Variants in NAALADL2 observed in about 807,000 individuals in gnomAD.
The protein encoded by NAALADL2 is inactive N-acetylated-alpha-linked acidic dipeptidase-like protein 2.
In NAALADL2, 76 loss-of-function variants were observed where a neutral mutation model predicts 87.2. The ratio of observed to expected loss-of-function variants is 0.87; its 90% CI spans 0.72 to 1.05. The LOEUF is 1.05. Ranked by LOEUF, NAALADL2 falls within the 50% of genes least tolerant of loss-of-function variation. The probability of loss-of-function intolerance (pLI) is 0.00; values close to 1 mark genes in which losing one functional copy is unlikely to be tolerated. For synonymous variants in NAALADL2, 354 were observed against 331.0 expected, an observed-to-expected ratio of 1.07 and a Z score of -0.75; for missense variants, 1,089 against 945.8, an observed-to-expected ratio of 1.15 and a Z score of -1.99.
chr3:174,672,880 G>T lies in NAALADL2; in HGVS notation c.-114-64761G>T, dbSNP rs532093474. Reference sequence around the variant, plus strand: ...AAGCAAAGAAAGTCAGCAAGGTCATGGAAATCCTAGGCCATTATAAAGATT... The same window carrying T: ...AAGCAAAGAAAGTCAGCAAGGTCATTGAAATCCTAGGCCATTATAAAGATT... On this transcript the variant is annotated intron_variant, in intron 2 of 3. Coordinates refer to the NAALADL2 transcript ENST00000434257. 5.5e-5 allele frequency among the ~76,000 whole-genome samples: 8 copies of T among 146,204 alleles called. No individual in the cohort carries two copies. The South Asian group carries it at 1.8e-3, about 32-fold the overall frequency.
intron 4 of NAALADL2, among the ~76,000 whole-genome samples, chr3:175,323,238 A>T (rs1224483199): frequency 1.1e-4 from 17 of 148,512 alleles, no homozygotes; most frequent in Non-Finnish European, 2.5e-4. Context: ...TATCGCAAGA[A>T]CAAAAAACCA....
At chr3:175,380,813 A>G (rs1244850602) in intron 5 of NAALADL2, among the ~76,000 whole-genome samples, 2 of 152,122 alleles carry the variant, frequency 1.3e-5, no homozygotes, top group Non-Finnish European at 2.9e-5. Context: ...TTTCCATTTT[A>G]CAGAGTATAC....
intron 3 of NAALADL2, among the ~76,000 whole-genome samples, chr3:175,236,564 AAAAG>A (rs1428545448): frequency 2.9e-5 from 4 of 137,738 alleles, no homozygotes; most frequent in Admixed American, 2.9e-4. Flanking sequence ...AAAAAAAAAA[AAAAG>A]AAGAAAAAGC....
chr3:175,173,305 A>T (rs1735148897), intron 2 of NAALADL2, among the ~76,000 whole-genome samples: 2 of 95,626 alleles, frequency 2.1e-5, no homozygotes, highest in African/African-American at 6.6e-5. Flanking sequence ...ATAAATAAAT[A>T]AATAAAATAA....
intron 5 of NAALADL2, among the ~76,000 whole-genome samples, chr3:175,390,224 C>G (rs1223548501): frequency 6.6e-6 from 1 of 152,010 alleles, no homozygotes; most frequent in African/African-American, 2.4e-5. Context: ...CGCAAGGGGA[C>G]AACTCTAAAA....
chr3:175,155,582 T>C (rs1452217640), intron 2 of NAALADL2, among the ~76,000 whole-genome samples: 1 of 152,186 alleles, frequency 6.6e-6, no homozygotes, highest in Non-Finnish European at 1.5e-5. Flanking sequence ...TTTTTTTTCT[T>C]ATTAATGATC....
intron 2 of NAALADL2, among the ~76,000 whole-genome samples, chr3:175,189,296 G>T (rs1361940108): frequency 2.6e-5 from 4 of 152,160 alleles, no homozygotes; most frequent in Admixed American, 6.5e-5. Context: ...AAAATTATCT[G>T]TATTTACACA....
intron 1 of NAALADL2, among the ~76,000 whole-genome samples, chr3:175,039,940 G>T (rs1753865655): frequency 6.6e-6 from 1 of 151,970 alleles, no homozygotes; most frequent in African/African-American, 2.4e-5. Flanking sequence ...CTAACACTCT[G>T]TACTGATTAT....
At chr3:174,834,948 T>C (rs1560271413) in intron 3 of NAALADL2, among the ~76,000 whole-genome samples, 1 of 151,996 alleles carries the variant, frequency 6.6e-6, no homozygotes, top group African/African-American at 2.4e-5. Flanking sequence ...CTAAAATTTG[T>C]ATGTAAATGT....
intron 3 of NAALADL2, among the ~76,000 whole-genome samples, chr3:174,787,599 A>ACG (rs1553855294): frequency 1.5e-5 from 1 of 67,882 alleles, no homozygotes; most frequent in South Asian, 5.1e-4. Flanking sequence ...ATATATATAT[A>ACG]TATATATATA....
chr3:174,867,575 A>G lies in NAALADL2; in HGVS notation c.43+8125A>G, dbSNP rs551620936. ...GTGCGTAGATCCATAGCTAACATAT[A>G]CTATGTTTTCTCAAGTTTAATATGC... is the stretch of plus-strand genomic sequence containing the variant. On this transcript the variant is annotated intron_variant, in intron 1 of 13. Transcript: ENST00000454872. Among the ~76,000 whole-genome samples, 34 of 152,214 alleles carry G rather than the reference A, an allele frequency of 2.2e-4. 1 individual carries two copies. The South Asian group carries it at 6.2e-3, about 28-fold the overall frequency.
chr3:175,443,048 T>C (rs1310710060), intron 5 of NAALADL2, among the ~76,000 whole-genome samples: 2 of 152,222 alleles, frequency 1.3e-5, no homozygotes, highest in Non-Finnish European at 2.9e-5. Flanking sequence ...ATAAAACTCT[T>C]CTCTCAGCTC....
chr3:175,412,249 G>T (rs1713672734), intron 5 of NAALADL2, among the ~76,000 whole-genome samples: 1 of 152,176 alleles, frequency 6.6e-6, no homozygotes, highest in Non-Finnish European at 1.5e-5. Context: ...ACAAAAGATA[G>T]ATTATGTATG....
chr3:175,755,331 C>T lies in NAALADL2; in HGVS notation c.2102C>T (p.Ala701Val). The change falls in exon 13 of 14, where the codon GCA (alanine) becomes GTA (valine). Residue 701 changes from alanine to valine, a missense_variant. Coordinates refer to ENST00000454872, the MANE Select transcript of NAALADL2 (RefSeq NM_207015.3). ...CCTGCTAATGATCCCAAGGAGAGAG[C>T]ACCCATCCGCATCCGGATGCTGAAT... Reference protein sequence around the residue: ...MRPANDPKERAPIRIRMLNDI... With the variant: ...MRPANDPKERVPIRIRMLNDI... 1 of 1,613,344 alleles carries T rather than the reference C, an allele frequency of 6.2e-7. No individual in the cohort carries two copies.
chr3:175,450,181 A>G (rs1245988032), intron 6 of NAALADL2, among the ~76,000 whole-genome samples: 1 of 152,108 alleles, frequency 6.6e-6, no homozygotes, highest in Non-Finnish European at 1.5e-5. Context: ...TTCTGAGATA[A>G]TTAAGTTTCC....
intron 9 of NAALADL2, among the ~76,000 whole-genome samples, chr3:175,537,382 G>T (rs1734962749): frequency 6.6e-6 from 1 of 152,142 alleles, no homozygotes; most frequent in Non-Finnish European, 1.5e-5. Context: ...TTGTGTATGA[G>T]GGAAGAGCAG....
chr3:175,140,214 T>C (rs1206286600), intron 2 of NAALADL2, among the ~76,000 whole-genome samples: 1 of 151,822 alleles, frequency 6.6e-6, no homozygotes, highest in Admixed American at 6.6e-5. Flanking sequence ...AAATGCTGCA[T>C]TCCATGTACC....
chr3:175,168,701 T>C (rs2108892678), intron 2 of NAALADL2, among the ~76,000 whole-genome samples: 1 of 151,934 alleles, frequency 6.6e-6, no homozygotes, highest in Non-Finnish European at 1.5e-5. Context: ...TTTGTTCTAA[T>C]GGTTCAACTT....
chr3:174,551,388 C>T (rs1192941422), intron 2 of NAALADL2: 12 of 152,036 alleles, frequency 7.9e-5, no homozygotes, highest in Non-Finnish European at 1.2e-4. Flanking sequence ...TGTACATATT[C>T]CTCACATAAG....
Sources: allele counts gnomAD v4.1 joint callset (sites outside exome capture counted in the v4.1 genomes callset), GRCh38; gene constraint gnomAD v4.1.1; transcripts MANE v1.5; gene names NCBI Gene and HGNC (gene_info 2026-07-23, HGNC 2026-07-21).